Variants in MATCAP2 observed in about 807,000 individuals in gnomAD.
MATCAP2 encodes putative tyrosine carboxypeptidase MATCAP2.
chr7:36,344,399 C>T, the MATCAP2 span, among the ~76,000 whole-genome samples: 1 of 152,176 alleles, frequency 6.6e-6, no homozygotes, highest in Non-Finnish European at 1.5e-5. Context: ...AGTGAAAGTA[C>T]ATTGACCACA....
At chr7:36,380,050 T>C in the MATCAP2 span, among the ~76,000 whole-genome samples, 1 of 152,180 alleles carries the variant, frequency 6.6e-6, no homozygotes. Flanking sequence ...AATTGAGTAC[T>C]GAGGTGGATG....
At chr7:36,377,409 A>G in the MATCAP2 span, among the ~76,000 whole-genome samples, 2 of 152,174 alleles carry the variant, frequency 1.3e-5, no homozygotes, top group African/African-American at 4.8e-5. Flanking sequence ...TCTTTTCTTT[A>G]AGAATGTTGA....
the MATCAP2 span, among the ~76,000 whole-genome samples, chr7:36,373,264 A>G: frequency 3.3e-5 from 5 of 152,320 alleles, no homozygotes; most frequent in Admixed American, 2.6e-4. Context: ...AACAAATGAT[A>G]TAATTTCAGA....
the MATCAP2 span, chr7:36,366,765 G>C: frequency 2.6e-6 from 4 of 1,534,788 alleles, no homozygotes; most frequent in Non-Finnish European, 3.5e-6. Context: ...GGTTTTTCGC[G>C]AGCGCCTCCT....
At chr7:36,388,809 CTAGA>C in the MATCAP2 span, among the ~76,000 whole-genome samples, 4 of 152,204 alleles carry the variant, frequency 2.6e-5, no homozygotes, top group Admixed American at 2.6e-4. Flanking sequence ...AAGGATTGAA[CTAGA>C]TAGAGGGCTT....
chr7:36,339,129 C>CT, the MATCAP2 span, among the ~76,000 whole-genome samples: 38 of 152,066 alleles, frequency 2.5e-4, no homozygotes, highest in African/African-American at 8.2e-4. Flanking sequence ...TAGAATAAAC[C>CT]TTTTTTTTAA....
chr7:36,347,795 T>C, the MATCAP2 span, among the ~76,000 whole-genome samples: 1 of 152,170 alleles, frequency 6.6e-6, no homozygotes, highest in Non-Finnish European at 1.5e-5. Flanking sequence ...AATATACCAC[T>C]CCAACTCTCC....
At chr7:36,355,079 CA>C in the MATCAP2 span, 1 of 152,126 alleles carries the variant, frequency 6.6e-6, no homozygotes, top group African/African-American at 2.4e-5. Context: ...GGGGAAAATG[CA>C]AATAGGATTT....
chr7:36,385,733 C>T, the MATCAP2 span, among the ~76,000 whole-genome samples: 93 of 151,020 alleles, frequency 6.2e-4, no homozygotes, highest in Non-Finnish European at 1.1e-3. Context: ...CTGCAGTGAG[C>T]TGTGATCGTG....
At chr7:36,341,910 C>G in the MATCAP2 span, among the ~76,000 whole-genome samples, 6 of 152,150 alleles carry the variant, frequency 3.9e-5, no homozygotes, top group Non-Finnish European at 7.3e-5. Flanking sequence ...CATTCATAAG[C>G]TACTCAGTTT....
the MATCAP2 span, chr7:36,330,978 T>G: frequency 1.1e-5 from 17 of 1,586,078 alleles, no homozygotes; most frequent in Non-Finnish European, 1.3e-5. Context: ...TGGCTTCTAC[T>G]CACCTTCCCG....
At chr7:36,352,536 A>T in the MATCAP2 span, among the ~76,000 whole-genome samples, 1 of 151,156 alleles carries the variant, frequency 6.6e-6, no homozygotes, top group African/African-American at 2.4e-5. Flanking sequence ...ATTATTAGAA[A>T]GACAGTATGG....
the MATCAP2 span, among the ~76,000 whole-genome samples, chr7:36,382,773 G>T: frequency 6.6e-6 from 1 of 152,212 alleles, no homozygotes; most frequent in Non-Finnish European, 1.5e-5. Flanking sequence ...GATTACAGGC[G>T]TGAGCCACCA....
chr7:36,355,248 T>C, the MATCAP2 span: 1 of 152,366 alleles, frequency 6.6e-6, no homozygotes, highest in Non-Finnish European at 1.5e-5. Context: ...CGATGATAAC[T>C]GCAATATATG....
chr7:36,372,349 A>T, the MATCAP2 span, among the ~76,000 whole-genome samples: 1 of 152,228 alleles, frequency 6.6e-6, no homozygotes, highest in Non-Finnish European at 1.5e-5. Flanking sequence ...TCTAGGAAAT[A>T]GTTGGTAGAA....
chr7:36,359,124 T>C, the MATCAP2 span, among the ~76,000 whole-genome samples: 34 of 152,200 alleles, frequency 2.2e-4, no homozygotes, highest in Non-Finnish European at 3.4e-4. Flanking sequence ...CATTCAAATA[T>C]GAGATAACTG....
At chr7:36,338,262 A>T in the MATCAP2 span, among the ~76,000 whole-genome samples, 224 of 152,246 alleles carry the variant, frequency 1.5e-3, no homozygotes, top group Non-Finnish European at 2.8e-3. Flanking sequence ...TCCTGAAGAC[A>T]TCAACTGAGA....
the MATCAP2 span, among the ~76,000 whole-genome samples, chr7:36,346,838 G>A: frequency 1.3e-5 from 2 of 152,178 alleles, no homozygotes; most frequent in Non-Finnish European, 2.9e-5. Context: ...TTGGCTTACT[G>A]CAACCTCCGC....
the MATCAP2 span, chr7:36,326,678 A>G: frequency 7.9e-7 from 1 of 1,261,906 alleles, no homozygotes; most frequent in East Asian, 2.4e-5. Flanking sequence ...TTCTTCTTTT[A>G]TAAATCTTCT....
Sources: gnomAD v4.1 joint callset for allele counts (sites outside exome capture counted in the v4.1 genomes callset) on GRCh38, gnomAD v4.1.1 for gene constraint, MANE v1.5 for transcripts, NCBI Gene and HGNC (gene_info 2026-07-23, HGNC 2026-07-21) for gene names.